TCF4: variants seen among roughly 807,000 people sequenced by gnomAD.
The protein encoded by TCF4 is SL3-3 enhancer factor 2.
In TCF4, 3 loss-of-function variants were observed where a neutral mutation model predicts 82.1. The observed-to-expected ratio is 0.04, with a 90% confidence interval of 0.02 to 0.09. The LOEUF (loss-of-function observed/expected upper bound fraction) is 0.09. TCF4 is among the 10% of genes least tolerant of loss of function. The probability of loss-of-function intolerance (pLI) is 1.00; values close to 1 mark genes in which losing one functional copy is unlikely to be tolerated. For synonymous variants in TCF4, 276 were observed against 309.6 expected (o/e 0.89, Z 1.14); for missense variants, 518 against 852.7 (o/e 0.61, Z 4.89).
At chr18:55,408,399 C>A (rs2094195024) in intron 5 of TCF4, among the ~76,000 whole-genome samples, 1 of 152,016 alleles carries the variant, frequency 6.6e-6, no homozygotes, top group Non-Finnish European at 1.5e-5. Context: ...AATTTCTGTC[C>A]CCATCCCCAG....
intron 2 of TCF4, among the ~76,000 whole-genome samples, chr18:55,602,129 A>G (rs374101868): frequency 1.3e-5 from 2 of 152,350 alleles, no homozygotes; most frequent in African/African-American, 4.8e-5. Context: ...TGGCAGGCAC[A>G]TTTTAAGATA....
chr18:55,458,823 C>G (rs1002702128), intron 5 of TCF4, among the ~76,000 whole-genome samples: 1 of 152,154 alleles, frequency 6.6e-6, no homozygotes, highest in African/African-American at 2.4e-5. Flanking sequence ...GTTTCAATGT[C>G]TTTTTCTCCC....
intron 8 of TCF4, among the ~76,000 whole-genome samples, chr18:55,316,329 G>A (rs1455502064): frequency 6.6e-6 from 1 of 152,078 alleles, no homozygotes; most frequent in Non-Finnish European, 1.5e-5. Context: ...TTTTCTGAAT[G>A]AGTAAACAAG....
At chr18:55,293,034 G>A (rs1440945357) in intron 8 of TCF4, among the ~76,000 whole-genome samples, 1 of 152,070 alleles carries the variant, frequency 6.6e-6, no homozygotes, top group African/African-American at 2.4e-5. Flanking sequence ...AAATGTTTTA[G>A]AACTAGACAG....
At chr18:55,423,903 G>A (rs1024599195) in intron 5 of TCF4, among the ~76,000 whole-genome samples, 1 of 152,132 alleles carries the variant, frequency 6.6e-6, no homozygotes, top group Non-Finnish European at 1.5e-5. Flanking sequence ...GGTGGTGACT[G>A]GGCGGAAGGG....
intron 13 of TCF4, chr18:55,259,589 C>A (rs1320949180): frequency 9.1e-6 from 2 of 220,320 alleles, no homozygotes; most frequent in African/African-American, 4.6e-5. Context: ...ACTATCTAGT[C>A]TATATTCATA....
chr18:55,300,276 A>G (rs920477153), intron 8 of TCF4, among the ~76,000 whole-genome samples: 3 of 152,136 alleles, frequency 2.0e-5, no homozygotes, highest in Non-Finnish European at 2.9e-5. Context: ...TACACTTCCA[A>G]CCATCTTGAT....
chr18:55,439,497 G>C (rs1028753510), intron 5 of TCF4, among the ~76,000 whole-genome samples: 2 of 152,160 alleles, frequency 1.3e-5, no homozygotes, highest in Non-Finnish European at 2.9e-5. Flanking sequence ...CCCTCAGAAA[G>C]TATCTAGCTT....
chr18:55,378,486 C>T (rs940101244), intron 6 of TCF4, among the ~76,000 whole-genome samples: 1 of 152,106 alleles, frequency 6.6e-6, no homozygotes, highest in African/African-American at 2.4e-5. Context: ...TCCTTACAAA[C>T]CCTATGAAGA....
chr18:55,337,982 T>G (rs1051400771), intron 8 of TCF4, among the ~76,000 whole-genome samples: 2 of 151,830 alleles, frequency 1.3e-5, no homozygotes, highest in African/African-American at 4.8e-5. Context: ...CATCTACGGC[T>G]CTTCCTAGGG....
intron 6 of TCF4, among the ~76,000 whole-genome samples, chr18:55,390,705 C>T (rs1432960296): frequency 6.6e-6 from 1 of 152,118 alleles, no homozygotes; most frequent in African/African-American, 2.4e-5. Flanking sequence ...GAGGCTAGTA[C>T]AATTACCTAA....
intron 11 of TCF4, chr18:55,267,412 A>G (rs1477490297): frequency 6.6e-6 from 1 of 152,136 alleles, no homozygotes; most frequent in Non-Finnish European, 1.5e-5. Flanking sequence ...CTTGTTATAC[A>G]GACACGCTGC....
At chr18:55,626,284 A>C (rs1015672260) in intron 2 of TCF4, among the ~76,000 whole-genome samples, 9 of 152,214 alleles carry the variant, frequency 5.9e-5, no homozygotes, top group Non-Finnish European at 7.3e-5. Context: ...TATATTCACT[A>C]TCTTGAACTT....
chr18:55,433,137 G>A (rs2095248652), intron 5 of TCF4, among the ~76,000 whole-genome samples: 1 of 152,182 alleles, frequency 6.6e-6, no homozygotes, highest in South Asian at 2.1e-4. Context: ...TTGCCCACCA[G>A]AGAAATAAAG....
chr18:55,469,890 G>A (rs925273549), intron 3 of TCF4, among the ~76,000 whole-genome samples: 1 of 152,164 alleles, frequency 6.6e-6, no homozygotes, highest in Admixed American at 6.5e-5. Context: ...AACTAAAAAT[G>A]ATGGATAACA....
chr18:55,261,976 A>G (rs2058170283), intron 11 of TCF4, among the ~76,000 whole-genome samples: 1 of 152,230 alleles, frequency 6.6e-6, no homozygotes, highest in Non-Finnish European at 1.5e-5. Context: ...AAAACGGGGT[A>G]TTCGTCTCAC....
At chr18:55,562,103 A>T (rs1340788639) in intron 3 of TCF4, among the ~76,000 whole-genome samples, 1 of 152,194 alleles carries the variant, frequency 6.6e-6, no homozygotes, top group African/African-American at 2.4e-5. Context: ...AGTAATGCTC[A>T]TTGGTTTCTT....
intron 15 of TCF4, among the ~76,000 whole-genome samples, chr18:55,252,400 A>T (rs2055506573): frequency 6.6e-6 from 1 of 151,904 alleles, no homozygotes. Flanking sequence ...ATCAAATTAA[A>T]GGGGTTTCTA....
Position 55,224,571 on chromosome 18 carries a change from T to A in TCF4, c.*3464A>T, listed in dbSNP as rs2046345125. On this transcript the variant is annotated 3_prime_UTR_variant, in exon 20 of 20. Transcript: ENST00000354452. The stretch of plus-strand genomic sequence containing the variant: ...TGGATGCAAAAGATGAAAATCCTCT[T>A]AACTCCAAGTCTTGGTTCGACTCCC... 1 of 152,436 alleles carries A rather than the reference T, an allele frequency of 6.6e-6. No individual in the cohort carries two copies. Among genetic ancestry groups the A allele is most frequent in the African/African-American group, 2.4e-5 (1 of 41,364 alleles). The allele number at this position is 152,436 out of a possible 1,614,324, so 9.4% of individuals were successfully genotyped here. A position where few individuals can be genotyped will look rare whatever the true frequency, so the allele number is the denominator to read the frequency against.
Sources: allele counts gnomAD v4.1 joint callset (sites outside exome capture counted in the v4.1 genomes callset), GRCh38; gene constraint gnomAD v4.1.1; transcripts MANE v1.5; gene names NCBI Gene and HGNC (gene_info 2026-07-23, HGNC 2026-07-21).